Variants in PDZRN4 observed in about 807,000 individuals in gnomAD.
PDZRN4 encodes PDZ domain containing ring finger 4, also known as PDZ domain-containing RING finger protein 4.
A neutral mutation model predicts 99.0 loss-of-function variants in PDZRN4; 70 were observed. The ratio of observed to expected loss-of-function variants is 0.71; its 90% CI spans 0.58 to 0.86. PDZRN4 has a LOEUF of 0.86. PDZRN4 is among the 40% of genes least tolerant of loss of function. The probability of loss-of-function intolerance (pLI) is 0.00; values close to 1 mark genes in which losing one functional copy is unlikely to be tolerated. For synonymous variants in PDZRN4, 551 were observed against 501.6 expected (o/e 1.10, Z -1.32); for missense variants, 1,474 against 1,331.2 (o/e 1.11, Z -1.67).
At chr12:41,278,328 C>T (rs1452962328) in intron 3 of PDZRN4, among the ~76,000 whole-genome samples, 1 of 152,132 alleles carries the variant, frequency 6.6e-6, no homozygotes, top group African/African-American at 2.4e-5. Context: ...TAATGTTTTT[C>T]ACCAAATTCA....
chr12:41,349,747 T>C (rs1305096162), intron 3 of PDZRN4, among the ~76,000 whole-genome samples: 1 of 152,020 alleles, frequency 6.6e-6, no homozygotes, highest in East Asian at 1.9e-4. Flanking sequence ...ATTGTATTTA[T>C]GTATTAAATA....
At position 41,253,352 on chromosome 12, in the gene PDZRN4, A is replaced by ATC. The variant is rs1452978976; in HGVS notation, c.843+59164_843+59165insTC. Reference sequence around the variant, plus strand: ...TTTTGATTTGATTTTTATGAATGGTAAGAGACAGGGTTCTAGTTTCATTCT... The same window carrying ATC: ...TTTTGATTTGATTTTTATGAATGGTATCAGAGACAGGGTTCTAGTTTCATTCT... On this transcript the variant is annotated intron_variant, in intron 3 of 9. Coordinates refer to ENST00000402685, the MANE Select transcript of PDZRN4 (RefSeq NM_001164595.2). 2.6e-5 allele frequency among the ~76,000 whole-genome samples: 4 copies of ATC among 152,326 alleles called. No homozygotes were observed. In the East Asian group the frequency reaches 7.7e-4, roughly 29 times the overall value.
intron 3 of PDZRN4, among the ~76,000 whole-genome samples, chr12:41,242,772 C>G (rs1356473213): frequency 6.6e-6 from 1 of 152,158 alleles, no homozygotes; most frequent in African/African-American, 2.4e-5. Context: ...ATGACTTTCC[C>G]TTAACACGTT....
At chr12:41,531,379 C>T (rs1414583081) in intron 5 of PDZRN4, among the ~76,000 whole-genome samples, 1 of 152,156 alleles carries the variant, frequency 6.6e-6, no homozygotes, top group African/African-American at 2.4e-5. Context: ...CTTACAACGT[C>T]CTCTCCAAGT....
intron 3 of PDZRN4, among the ~76,000 whole-genome samples, chr12:41,201,636 A>G (rs1950816708): frequency 1.3e-5 from 2 of 152,060 alleles, no homozygotes; most frequent in African/African-American, 2.4e-5. Context: ...GCATTATGGT[A>G]TGGATCCAAG....
chr12:41,250,208 T>C (rs1008836748), intron 3 of PDZRN4, among the ~76,000 whole-genome samples: 5 of 152,196 alleles, frequency 3.3e-5, no homozygotes, highest in South Asian at 2.1e-4. Flanking sequence ...GTACTTCTGG[T>C]TCATTCCATG....
chr12:41,289,156 G>T (rs1270719987), intron 3 of PDZRN4, among the ~76,000 whole-genome samples: 1 of 152,070 alleles, frequency 6.6e-6, no homozygotes, highest in Admixed American at 6.6e-5. Flanking sequence ...GCATAAGATT[G>T]CTTCCCAACC....
intron 5 of PDZRN4, among the ~76,000 whole-genome samples, chr12:41,514,632 C>A (rs571565377): frequency 2.0e-5 from 3 of 152,030 alleles, no homozygotes; most frequent in Admixed American, 2.0e-4. Flanking sequence ...GGGTGCTCAA[C>A]GCATATTTCA....
intron 3 of PDZRN4, among the ~76,000 whole-genome samples, chr12:41,335,030 T>C (rs188638165): frequency 6.6e-6 from 1 of 152,190 alleles, no homozygotes; most frequent in Non-Finnish European, 1.5e-5. Context: ...ATTATCTTGA[T>C]AGAGCTTCCT....
intron 3 of PDZRN4, among the ~76,000 whole-genome samples, chr12:41,504,070 A>G (rs1938161349): frequency 6.6e-6 from 1 of 151,794 alleles, no homozygotes; most frequent in Admixed American, 6.6e-5. Flanking sequence ...GGAGTTAGAG[A>G]CCATCCTGGC....
At chr12:41,562,434 A>T (rs1363888153) in intron 7 of PDZRN4, among the ~76,000 whole-genome samples, 1 of 152,158 alleles carries the variant, frequency 6.6e-6, no homozygotes, top group African/African-American at 2.4e-5. Context: ...ACATTAGATT[A>T]TTGAAAAAAG....
At chr12:41,389,452 A>G (rs1388435694) in intron 3 of PDZRN4, among the ~76,000 whole-genome samples, 1 of 152,206 alleles carries the variant, frequency 6.6e-6, no homozygotes, top group Non-Finnish European at 1.5e-5. Flanking sequence ...GGGAATTTAG[A>G]AAGTAGCTAG....
chr12:41,476,545 A>G (rs1953044529), intron 3 of PDZRN4, among the ~76,000 whole-genome samples: 1 of 152,234 alleles, frequency 6.6e-6, no homozygotes, highest in Admixed American at 6.5e-5. Context: ...TTTGCCAGAC[A>G]GAAAGGCCTA....
intron 5 of PDZRN4, among the ~76,000 whole-genome samples, chr12:41,546,259 T>C (rs1027360371): frequency 6.6e-6 from 1 of 152,194 alleles, no homozygotes; most frequent in Admixed American, 6.5e-5. Context: ...GATGATACAG[T>C]GGACAAAGAG....
At position 41,281,258 on chromosome 12, in the gene PDZRN4, A is replaced by C. The variant is rs1251542929; in HGVS notation, c.843+87070A>C. Among the ~76,000 whole-genome samples the C allele has an allele frequency of 2.0e-5, 3 of 151,956 alleles. No homozygotes were observed. In the South Asian group the frequency reaches 6.2e-4, roughly 32 times the overall value. On this transcript the variant is annotated intron_variant, in intron 3 of 9. Coordinates refer to ENST00000402685, the MANE Select transcript of PDZRN4 (RefSeq NM_001164595.2). ...GGTAGATAAATCCACAAAGATGAGG[A>C]AAAACCAGTGCAAATAGGCTGAAGA...
chr12:41,406,064 A>T (rs1429627313), intron 3 of PDZRN4, among the ~76,000 whole-genome samples: 1 of 152,092 alleles, frequency 6.6e-6, no homozygotes, highest in East Asian at 1.9e-4. Flanking sequence ...TCTGTATCCA[A>T]AATAAATAAA....
intron 3 of PDZRN4, among the ~76,000 whole-genome samples, chr12:41,411,333 T>C (rs1952398127): frequency 6.6e-6 from 1 of 152,088 alleles, no homozygotes; most frequent in Non-Finnish European, 1.5e-5. Flanking sequence ...CATCTTTCCA[T>C]TTAAGAAAGG....
At chr12:41,448,730 A>G (rs1952750240) in intron 3 of PDZRN4, among the ~76,000 whole-genome samples, 1 of 152,170 alleles carries the variant, frequency 6.6e-6, no homozygotes, top group Non-Finnish European at 1.5e-5. Flanking sequence ...GATTTCGAAA[A>G]TGCCACCTAT....
intron 5 of PDZRN4, among the ~76,000 whole-genome samples, chr12:41,524,705 A>G (rs1938543589): frequency 6.6e-6 from 1 of 152,216 alleles, no homozygotes; most frequent in Non-Finnish European, 1.5e-5. Flanking sequence ...AGAGGGATTT[A>G]AGAAGGAAAC....
Sources: gnomAD v4.1 joint callset for allele counts (sites outside exome capture counted in the v4.1 genomes callset) on GRCh38, gnomAD v4.1.1 for gene constraint, MANE v1.5 for transcripts, NCBI Gene and HGNC (gene_info 2026-07-23, HGNC 2026-07-21) for gene names.